The following UBR2 variants were observed in gnomAD, a reference collection of about 807,000 sequenced individuals.
The protein encoded by UBR2 is ubiquitin protein ligase E3 component n-recognin 2, also known as E3 ubiquitin-protein ligase UBR2.
Under a neutral mutation model 247.9 loss-of-function variants are expected in UBR2, and 92 were observed. The observed-to-expected ratio is 0.37, with a 90% confidence interval of 0.31 to 0.44. UBR2 has a LOEUF of 0.44. Among genes scored for constraint, UBR2 ranks in the 20% least tolerant of loss-of-function variants. The pLI, the probability that UBR2 is intolerant of heterozygous loss-of-function variation, is 1.00. For synonymous variants in UBR2, 672 were observed against 693.5 expected (o/e 0.97, Z 0.49); for missense variants, 1,613 against 2,112.6 (o/e 0.76, Z 4.64).
intron 27 of UBR2, 44 bp from the exon 28 acceptor site, chr6:42,658,196 G>T: frequency 6.2e-7 from 1 of 1,609,946 alleles, no homozygotes; most frequent in Non-Finnish European, 8.5e-7. Flanking sequence ...TGTGTACATT[G>T]TGATCATATT....
chr6:42,616,730 A>AT lies in UBR2; in HGVS notation c.1182+647dup, dbSNP rs778954629. Among the ~76,000 whole-genome samples the AT allele has an allele frequency of 3.0e-4, 45 of 151,742 alleles. 1 individual carries two copies. The South Asian group carries it at 9.1e-3, about 31-fold the overall frequency. On this transcript the variant is annotated intron_variant, in intron 10 of 46. Coordinates refer to ENST00000372901, the MANE Select transcript of UBR2 (RefSeq NM_001363705.2). ...CAGCATGTGCATAAGCTAACCACTT[A>AT]TTTTTTTGCATTCACCTGAATTACG... is the stretch of plus-strand genomic sequence containing the variant.
intron 2 of UBR2, among the ~76,000 whole-genome samples, chr6:42,578,269 T>C (rs549922589): frequency 1.8e-4 from 27 of 152,310 alleles, no homozygotes; most frequent in Admixed American, 5.2e-4. Context: ...AAGCTTACTG[T>C]AATGCTTTCA....
intron 11 of UBR2, among the ~76,000 whole-genome samples, chr6:42,631,891 A>ATATATATAT (rs752152787): frequency 0.035 from 4,007 of 113,406 alleles, 303 homozygotes; most frequent in Admixed American, 0.046. Context: ...TATATATATA[A>ATATATATAT]ATACAGGTTC....
chr6:42,678,209 A>C (rs1457357243), intron 40 of UBR2, among the ~76,000 whole-genome samples: 1 of 151,186 alleles, frequency 6.6e-6, no homozygotes, highest in African/African-American at 2.4e-5. Flanking sequence ...GGTGGCAGGC[A>C]CCTGTAGTCC....
intron 36 of UBR2, among the ~76,000 whole-genome samples, chr6:42,672,355 C>T (rs73424446): frequency 0.02 from 3,037 of 152,052 alleles, 93 homozygotes; most frequent in African/African-American, 0.069. Context: ...TTAGCCTGGG[C>T]ATTCACATTC....
intron 11 of UBR2, among the ~76,000 whole-genome samples, chr6:42,622,249 C>T (rs1228492393): frequency 6.6e-6 from 1 of 152,038 alleles, no homozygotes; most frequent in Non-Finnish European, 1.5e-5. Context: ...GAACTCCTGA[C>T]CTCAGGTGAT....
At chr6:42,651,550 T>C (rs914306262) in intron 23 of UBR2, among the ~76,000 whole-genome samples, 1 of 151,978 alleles carries the variant, frequency 6.6e-6, no homozygotes, top group African/African-American at 2.4e-5. Context: ...CAGGCTGGAG[T>C]GCAGACCTCG....
At chr6:42,686,233 G>A (rs1057261775) in intron 44 of UBR2, among the ~76,000 whole-genome samples, 3 of 151,914 alleles carry the variant, frequency 2.0e-5, no homozygotes, top group South Asian at 2.1e-4. Context: ...GCGGCCTTCC[G>A]CAGTGTTTGT....
At chr6:42,600,084 A>G (rs890965102) in intron 4 of UBR2, among the ~76,000 whole-genome samples, 2 of 152,182 alleles carry the variant, frequency 1.3e-5, no homozygotes, top group Non-Finnish European at 2.9e-5. Flanking sequence ...GTTGGGCAGT[A>G]TGGAGAAAAT....
intron 21 of UBR2, among the ~76,000 whole-genome samples, chr6:42,645,966 A>G (rs370527637): frequency 6.6e-6 from 1 of 152,054 alleles, no homozygotes; most frequent in Admixed American, 6.6e-5. Flanking sequence ...AGAAGTGCCT[A>G]CTCACCTATA....
chr6:42,600,625 CAAAAAAAAAA>C (rs71680032), intron 4 of UBR2, among the ~76,000 whole-genome samples: 1 of 106,166 alleles, frequency 9.4e-6, no homozygotes, highest in Non-Finnish European at 1.9e-5. Context: ...GTTACTGTAG[CAAAAAAAAAA>C]AAAAAAAAAA....
In UBR2 at chr6:42,681,908, T is replaced by C. The variant is rs559720585; in HGVS notation, c.4719-1147T>C. On this transcript the variant is annotated intron_variant, in intron 42 of 46. Coordinates refer to ENST00000372901, the MANE Select transcript of UBR2 (RefSeq NM_001363705.2). ...GTGTGTACACACACACAATGGACTA[T>C]TATTCAGTCTTAAAAGTAGGCCAGG... Among the ~76,000 whole-genome samples the C allele has an allele frequency of 1.3e-3, 194 of 152,284 alleles. 1 individual carries two copies. Among genetic ancestry groups the C allele is most frequent in the Non-Finnish European group, 2.2e-3 (147 of 68,026 alleles).
chr6:42,663,543 C>T, intron 32 of UBR2, 124 bp downstream of exon 32: 1 of 1,009,480 alleles, frequency 9.9e-7, no homozygotes, highest in South Asian at 2.2e-5. Context: ...ACTTTCCAAA[C>T]TCTAATCATT....
At chr6:42,582,846 T>A (rs1368606236) in intron 2 of UBR2, among the ~76,000 whole-genome samples, 2 of 152,128 alleles carry the variant, frequency 1.3e-5, no homozygotes, top group Non-Finnish European at 2.9e-5. Context: ...ATTATAGTTC[T>A]TTTTTTCTTT....
chr6:42,677,909 T>C lies in UBR2; in HGVS notation c.4479-630T>C, dbSNP rs972381343. The stretch of plus-strand genomic sequence containing the variant: ...ATAAATCTATTTAAAATATGGCTCC[T>C]AGGAGCTGGGTGCAGTGGCATGTGC... On this transcript the variant is annotated intron_variant, in intron 40 of 46. Coordinates refer to ENST00000372901, the MANE Select transcript of UBR2 (RefSeq NM_001363705.2). Among the ~76,000 whole-genome samples, 3 of 152,184 alleles carry C rather than the reference T, an allele frequency of 2.0e-5. No individual in the cohort carries two copies. The East Asian group carries it at 5.8e-4, about 29-fold the overall frequency.
chr6:42,646,610 G>T (rs1353265529), intron 21 of UBR2, among the ~76,000 whole-genome samples: 1 of 152,060 alleles, frequency 6.6e-6, no homozygotes, highest in African/African-American at 2.4e-5. Context: ...GATGTGGAAT[G>T]CTACTGGTAT....
chr6:42,642,544 T>C (rs1796510429), intron 18 of UBR2, 63 bp downstream of exon 18: 1 of 1,387,464 alleles, frequency 7.2e-7, no homozygotes, highest in Non-Finnish European at 1.0e-6. Context: ...GTTATTTCCA[T>C]AGAATTCAGT....
At chr6:42,573,061 A>G (rs1381421120) in intron 1 of UBR2, among the ~76,000 whole-genome samples, 1 of 152,152 alleles carries the variant, frequency 6.6e-6, no homozygotes, top group Non-Finnish European at 1.5e-5. Context: ...TGGAGGGGAG[A>G]TCATGCATTC....
At chr6:42,685,277 C>T (rs1443994077) in intron 44 of UBR2, among the ~76,000 whole-genome samples, 1 of 152,126 alleles carries the variant, frequency 6.6e-6, no homozygotes, top group Non-Finnish European at 1.5e-5. Flanking sequence ...AGCAATTACA[C>T]TCCAGCCTGG....
Sources: gnomAD v4.1 joint callset for allele counts (sites outside exome capture counted in the v4.1 genomes callset) on GRCh38, gnomAD v4.1.1 for gene constraint, MANE v1.5 for transcripts, NCBI Gene and HGNC (gene_info 2026-07-23, HGNC 2026-07-21) for gene names.